Variants in HECTD4 observed in about 807,000 individuals in gnomAD.
HECTD4 encodes probable E3 ubiquitin-protein ligase HECTD4.
HECTD4 carries 114 observed loss-of-function variants against 471.5 expected under a neutral mutation model. The observed-to-expected ratio is 0.24, with a 90% CI of 0.21 to 0.28. The LOEUF (loss-of-function observed/expected upper bound fraction) is 0.28, where lower values mean the gene tolerates loss of function less well. Ranked by LOEUF, HECTD4 falls within the 10% of genes least tolerant of loss-of-function variation. The pLI is 1.00. For missense variants in HECTD4, 3,866 were observed against 5,651.5 expected (o/e 0.68, Z 10.13); for synonymous variants, 2,012 against 2,256.0 (o/e 0.89, Z 3.07).
rs1314491336 is a variant in HECTD4 at position 112,185,395 on chromosome 12, T to G, written c.9571A>C (p.Arg3191=). The part of the protein sequence containing the change: ...LLRTVHTLEQ[R]RHPAGLSSSI... ...GAGGACAGGCCAGCGGGGTGCCGCC[T>G]CTGCTCCAGGGTGTGCACCGTGCGC... The change falls in exon 61 of 76, where the codon AGG becomes CGG. Residue 3191 remains arginine, a synonymous_variant. Transcript: ENST00000682272. 4 of 1,612,744 alleles carry G rather than the reference T, an allele frequency of 2.5e-6. No homozygotes were observed. In the South Asian group the frequency reaches 3.3e-5, roughly 13 times the overall value.
At chr12:112,299,982 CA>C (rs2035128722) in intron 7 of HECTD4, among the ~76,000 whole-genome samples, 1 of 152,094 alleles carries the variant, frequency 6.6e-6, no homozygotes, top group African/African-American at 2.4e-5. Flanking sequence ...GGTTGAAAAA[CA>C]ATTTCTGGCA....
At chr12:112,260,263 A>C (rs1318850654) in intron 18 of HECTD4, among the ~76,000 whole-genome samples, 3 of 152,202 alleles carry the variant, frequency 2.0e-5, no homozygotes. Flanking sequence ...GAGTTAAGGA[A>C]TGTAGAAAGA....
chr12:112,230,924 T>TA, intron 39 of HECTD4, 102 bp from the exon 40 acceptor site: 2 of 1,115,046 alleles, frequency 1.8e-6, no homozygotes, highest in Non-Finnish European at 2.5e-6. Flanking sequence ...TTTCTTTTTA[T>TA]ACAAGAAAAA....
In HECTD4 at chr12:112,177,632, G is replaced by A. The variant is rs143197105; in HGVS notation, c.11364-930C>T. On this transcript the variant is annotated intron_variant, in intron 64 of 75. Transcript: ENST00000682272. ...CCTGACCTTGTGAACCGCCCATCTC[G>A]GCCTCCCAAAGTGCTGGGATTATAG... is the stretch of plus-strand genomic sequence containing the variant. Among the ~76,000 whole-genome samples, 282 of 152,122 alleles carry A rather than the reference G, an allele frequency of 1.9e-3. 1 individual carries two copies. The highest frequency in any genetic ancestry group is 6.3e-3 in the African/African-American group (262 of 41,518).
At chr12:112,219,666 C>T in intron 44 of HECTD4, 177 bp from the exon 45 acceptor site, 1 of 446,126 alleles carries the variant, frequency 2.2e-6, no homozygotes, top group Admixed American at 4.0e-5. Flanking sequence ...GTGGCGCGGT[C>T]CTGGCTTACT....
intron 73 of HECTD4, 62 bp downstream of exon 73, chr12:112,164,047 T>C: frequency 7.3e-7 from 1 of 1,372,070 alleles, no homozygotes; most frequent in Non-Finnish European, 9.5e-7. Context: ...GATGCTGCTG[T>C]CATACCCTGG....
At chr12:112,181,373 CTGAG>C (rs748593277) in intron 62 of HECTD4, among the ~76,000 whole-genome samples, 1 of 152,140 alleles carries the variant, frequency 6.6e-6, no homozygotes, top group Admixed American at 6.5e-5. Flanking sequence ...CTCTTACTGA[CTGAG>C]TTTTTTGGAG....
chr12:112,208,785 C>T (rs1006717576), intron 50 of HECTD4, among the ~76,000 whole-genome samples, 155 bp from the exon 51 acceptor site: 2 of 150,530 alleles, frequency 1.3e-5, no homozygotes, highest in Admixed American at 1.3e-4. Context: ...CTAGGAATAA[C>T]TAATTATCTA....
At chr12:112,217,387 C>T (rs531175189) in intron 45 of HECTD4, among the ~76,000 whole-genome samples, 192 bp from the exon 46 acceptor site, 2 of 152,008 alleles carry the variant, frequency 1.3e-5, no homozygotes, top group Non-Finnish European at 2.9e-5. Flanking sequence ...GAGTCTCACT[C>T]CTATCACCCA....
intron 1 of HECTD4, among the ~76,000 whole-genome samples, chr12:112,330,642 C>A (rs920890948): frequency 6.6e-6 from 1 of 152,184 alleles, no homozygotes; most frequent in Non-Finnish European, 1.5e-5. Context: ...AAGGGGGAGA[C>A]CATGTCATAC....
chr12:112,241,137 A>C (rs2033634160), intron 32 of HECTD4, among the ~76,000 whole-genome samples: 1 of 152,226 alleles, frequency 6.6e-6, no homozygotes, highest in Non-Finnish European at 1.5e-5. Flanking sequence ...AAGAGGGTGT[A>C]CTTGTAGGTG....
chr12:112,296,367 T>C (rs745722385), intron 7 of HECTD4, among the ~76,000 whole-genome samples: 23 of 145,200 alleles, frequency 1.6e-4, no homozygotes, highest in Non-Finnish European at 3.3e-4. Context: ...GCGCAGCAAG[T>C]GGTAAGTACA....
intron 8 of HECTD4, among the ~76,000 whole-genome samples, chr12:112,280,513 G>A (rs1355761879): frequency 6.6e-6 from 1 of 151,802 alleles, no homozygotes; most frequent in Non-Finnish European, 1.5e-5. Context: ...TTAGAAGAGT[G>A]AGTAAAGTGA....
At chr12:112,302,714 AT>A in intron 7 of HECTD4, 1 of 430,214 alleles carries the variant, frequency 2.3e-6, no homozygotes, top group Non-Finnish European at 4.1e-6. Flanking sequence ...ACTTTTTCTC[AT>A]TTTTAATCTT....
intron 13 of HECTD4, among the ~76,000 whole-genome samples, chr12:112,268,740 G>A (rs1441307628): frequency 1.4e-5 from 2 of 144,920 alleles, no homozygotes; most frequent in African/African-American, 2.6e-5. Context: ...TGGGCAACAA[G>A]AGTGAAACTC....
intron 6 of HECTD4, among the ~76,000 whole-genome samples, chr12:112,306,965 A>G (rs1197726184): frequency 6.6e-6 from 1 of 152,220 alleles, no homozygotes; most frequent in Non-Finnish European, 1.5e-5. Flanking sequence ...GCTTTGCATC[A>G]TTTCACATTA....
chr12:112,362,376 G>A (rs1349380203), intron 1 of HECTD4, among the ~76,000 whole-genome samples: 1 of 152,108 alleles, frequency 6.6e-6, no homozygotes, highest in East Asian at 1.9e-4. Flanking sequence ...TTCATCACCT[G>A]GTGGACTATT....
chr12:112,351,500 G>C (rs1320688370), intron 1 of HECTD4, among the ~76,000 whole-genome samples: 1 of 152,194 alleles, frequency 6.6e-6, no homozygotes, highest in Non-Finnish European at 1.5e-5. Context: ...AACCAGGCCA[G>C]TGGTTTAGGA....
In HECTD4 at chr12:112,381,889, G is replaced by A; in HGVS notation, c.177+63C>T. ...CGCGGCTGAGGCGAGGAGGGGGCCC[G>A]ACCCGGGGGTGCCGGGCGAGTGGGT... On this transcript the variant is annotated intron_variant, in intron 1 of 75. Coordinates refer to ENST00000682272, the MANE Select transcript of HECTD4 (RefSeq NM_001388303.1). The surrounding 1 kb of genome is among the most constrained non-coding windows in gnomAD (Gnocchi z 4.1). The A allele has an allele frequency of 1.7e-6, 2 of 1,156,316 alleles. No individual in the cohort carries two copies. The highest frequency in any genetic ancestry group is 1.1e-6 in the Non-Finnish European group (1 of 923,194). 71.6% of individuals were successfully genotyped at this position (1,156,316 alleles called of 1,614,324 possible).
Sources: allele counts gnomAD v4.1 joint callset (sites outside exome capture counted in the v4.1 genomes callset), GRCh38; gene constraint gnomAD v4.1.1; non-coding constraint Gnocchi (gnomAD v3.1); transcripts MANE v1.5; gene names NCBI Gene and HGNC (gene_info 2026-07-23, HGNC 2026-07-21).